Variants in SPIDR observed in about 807,000 individuals in gnomAD.
SPIDR encodes the protein DNA repair-scaffolding protein.
A neutral mutation model predicts 104.6 loss-of-function variants in SPIDR; 93 were observed. That is an observed-to-expected ratio of 0.89 (90% confidence interval 0.75 to 1.06). The LOEUF is 1.06. SPIDR is among the 50% of genes least tolerant of loss of function. SPIDR has a pLI of 0.00. For missense variants in SPIDR, 1,154 were observed against 1,111.2 expected (o/e 1.04, Z -0.55); for synonymous variants, 431 against 416.9 (o/e 1.03, Z -0.41).
At chr8:47,503,621 T>C (rs1208915213) in intron 8 of SPIDR, among the ~76,000 whole-genome samples, 1 of 152,216 alleles carries the variant, frequency 6.6e-6, no homozygotes, top group Non-Finnish European at 1.5e-5. Context: ...ATTGGCGCAT[T>C]TAGCCCATTC....
intron 8 of SPIDR, among the ~76,000 whole-genome samples, chr8:47,513,784 T>G (rs1034452165): frequency 1.3e-5 from 2 of 152,216 alleles, no homozygotes; most frequent in Admixed American, 6.5e-5. Context: ...AGACTATTGC[T>G]TGGCATGGGA....
rs966641283 is a variant in SPIDR at position 47,521,529 on chromosome 8, T to C, written c.1098-74282T>C. On this transcript the variant is annotated intron_variant, in intron 8 of 19. Transcript: ENST00000297423. Reference sequence around the variant, plus strand: ...GCCTCCTGGGTCCCCATTCAAGCAATTCTCCTGCCTTAGCCTCCGGAGTAG... The same window carrying C: ...GCCTCCTGGGTCCCCATTCAAGCAACTCTCCTGCCTTAGCCTCCGGAGTAG... 4.7e-5 allele frequency among the ~76,000 whole-genome samples: 7 copies of C among 148,968 alleles called. 1 individual carries two copies. The highest frequency in any genetic ancestry group is 3.4e-4 in the Admixed American group (5 of 14,908).
At chr8:47,560,939 T>C (rs2056985514) in intron 8 of SPIDR, among the ~76,000 whole-genome samples, 1 of 152,230 alleles carries the variant, frequency 6.6e-6, no homozygotes, top group Non-Finnish European at 1.5e-5. Context: ...GCCTCCTTTC[T>C]GGGTGTAGCG....
intron 9 of SPIDR, among the ~76,000 whole-genome samples, chr8:47,597,617 A>T (rs575639625): frequency 6.6e-6 from 1 of 152,366 alleles, no homozygotes; most frequent in South Asian, 2.1e-4. Context: ...TGTAATGTCT[A>T]AGAATTTTTA....
chr8:47,377,016 C>G (rs1332470694), intron 5 of SPIDR, among the ~76,000 whole-genome samples: 1 of 152,116 alleles, frequency 6.6e-6, no homozygotes, highest in Admixed American at 6.6e-5. Flanking sequence ...GTGACAGACA[C>G]TGCATGGCCC....
At chr8:47,382,505 T>C (rs1311175852) in intron 5 of SPIDR, among the ~76,000 whole-genome samples, 2 of 152,216 alleles carry the variant, frequency 1.3e-5, no homozygotes, top group African/African-American at 4.8e-5. Context: ...CTCTGCCTCC[T>C]GGGTTCAAAC....
chr8:47,730,908 G>A (rs1030297302), intron 19 of SPIDR, among the ~76,000 whole-genome samples: 10 of 152,156 alleles, frequency 6.6e-5, no homozygotes, highest in Non-Finnish European at 4.4e-5. Context: ...TCTATGAGCG[G>A]GATCTTTGAG....
intron 7 of SPIDR, among the ~76,000 whole-genome samples, chr8:47,418,719 A>C (rs1305069580): frequency 6.6e-6 from 1 of 152,154 alleles, no homozygotes; most frequent in East Asian, 1.9e-4. Flanking sequence ...GAATGCTTCC[A>C]GTTTTTGCCC....
rs782096852 is a variant in SPIDR, at chr8:47,440,455, G to C, written c.1010G>C (p.Gly337Ala). The C allele has an allele frequency of 6.2e-7, 1 of 1,614,182 alleles. No individual in the cohort carries two copies. Among genetic ancestry groups the C allele is most frequent in the Admixed American group, 1.7e-5 (1 of 60,032 alleles). ...TCCCAAAGTGTGGCTCCCAGGCCTG[G>C]AGCTGGCCTGAAAGTTCTCTTCACC... is the stretch of plus-strand genomic sequence containing the variant. ...SSSQSVAPRP[G>A]AGLKVLFTKE... is the part of the protein sequence containing the mutation. Residue 337 changes from glycine to alanine, a missense_variant, in exon 8 of 20, where the codon GGA becomes GCA. Transcript: ENST00000297423.
intron 8 of SPIDR, chr8:47,511,727 T>A (rs2082358487): frequency 1.6e-6 from 2 of 1,244,956 alleles, no homozygotes; most frequent in Non-Finnish European, 2.4e-6. Flanking sequence ...TCTCCAGGTC[T>A]GTTGGTCACT....
intron 5 of SPIDR, among the ~76,000 whole-genome samples, chr8:47,342,016 T>C (rs781999735): frequency 2.6e-5 from 4 of 152,222 alleles, no homozygotes; most frequent in South Asian, 4.1e-4. Flanking sequence ...ACCTTTTTAT[T>C]ACTATTTCTA....
rs1216580909 is a variant in SPIDR, at chr8:47,556,121, A to G, written c.1098-39690A>G. Among the ~76,000 whole-genome samples, 4 of 152,286 alleles carry G rather than the reference A, an allele frequency of 2.6e-5. No homozygotes were observed. The South Asian group carries it at 8.3e-4, about 32-fold the overall frequency. On this transcript the variant is annotated intron_variant, in intron 8 of 19. Transcript: ENST00000297423. ...TATTGTCAGCCAGGGACGATTTTCCATCTCTGCTAGGCCAAAGAGAAGCCA... is the reference window on the plus strand; with the variant it reads ...TATTGTCAGCCAGGGACGATTTTCCGTCTCTGCTAGGCCAAAGAGAAGCCA...
chr8:47,556,568 A>C (rs2091350115), intron 8 of SPIDR, among the ~76,000 whole-genome samples: 1 of 152,172 alleles, frequency 6.6e-6, no homozygotes, highest in Non-Finnish European at 1.5e-5. Context: ...TGGGATGAGG[A>C]GTAAAGCTTA....
In SPIDR at chr8:47,583,581, C is replaced by T. The variant is rs76645410; in HGVS notation, c.1098-12230C>T. Among the ~76,000 whole-genome samples the T allele has an allele frequency of 2.4e-3, 369 of 152,198 alleles. 2 individuals carry two copies. Among genetic ancestry groups the T allele is most frequent in the African/African-American group, 8.6e-3 (357 of 41,514 alleles). Reference sequence around the variant, plus strand: ...ACACCACGTGGTGTTGGATTGATTGCAGCATAAAAAGAAATGGAAAGTTCA... The same window carrying T: ...ACACCACGTGGTGTTGGATTGATTGTAGCATAAAAAGAAATGGAAAGTTCA... On this transcript the variant is annotated intron_variant, in intron 8 of 19. Coordinates refer to ENST00000297423, the MANE Select transcript of SPIDR (RefSeq NM_001080394.4).
chr8:47,590,694 TG>T (rs951189114), intron 8 of SPIDR, among the ~76,000 whole-genome samples: 1 of 152,242 alleles, frequency 6.6e-6, no homozygotes, highest in Non-Finnish European at 1.5e-5. Context: ...TGTGCTCTTC[TG>T]TATTCTTTCT....
intron 10 of SPIDR, chr8:47,660,788 A>G (rs567300503): frequency 4.6e-6 from 1 of 219,622 alleles, no homozygotes; most frequent in African/African-American, 2.3e-5. Context: ...GCCCCTTCCC[A>G]TGAGATTAGG....
At chr8:47,490,788 T>C (rs1391508283) in intron 8 of SPIDR, among the ~76,000 whole-genome samples, 6 of 151,982 alleles carry the variant, frequency 3.9e-5, no homozygotes, top group African/African-American at 9.7e-5. Flanking sequence ...TAGGTGAGAA[T>C]TGGAAAATGA....
At chr8:47,559,341 C>G (rs564518459) in intron 8 of SPIDR, among the ~76,000 whole-genome samples, 1 of 152,316 alleles carries the variant, frequency 6.6e-6, no homozygotes, top group East Asian at 1.9e-4. Flanking sequence ...CTGACTAAAG[C>G]TGCTGTACCC....
chr8:47,630,630 G>T (rs1020789296), intron 10 of SPIDR, among the ~76,000 whole-genome samples: 1 of 152,174 alleles, frequency 6.6e-6, no homozygotes, highest in Admixed American at 6.5e-5. Flanking sequence ...TCTGAGAAGC[G>T]TAGTTGGCCT....
Sources: gnomAD v4.1 joint callset for allele counts (sites outside exome capture counted in the v4.1 genomes callset) on GRCh38, gnomAD v4.1.1 for gene constraint, MANE v1.5 for transcripts, NCBI Gene and HGNC (gene_info 2026-07-23, HGNC 2026-07-21) for gene names.